The following EPB41L4A variants were observed in gnomAD, a reference collection of about 807,000 sequenced individuals.
EPB41L4A encodes the protein band 4.1-like protein 4A.
A neutral mutation model predicts 108.6 loss-of-function variants in EPB41L4A; 100 were observed. The observed-to-expected ratio is 0.92, with a 90% CI of 0.78 to 1.09. EPB41L4A has a LOEUF of 1.09. Among genes scored for constraint, EPB41L4A ranks in the 50% least tolerant of loss-of-function variants. EPB41L4A has a pLI of 0.00. For synonymous variants in EPB41L4A, 319 were observed against 289.0 expected (o/e 1.10, Z -1.05); for missense variants, 1,030 against 842.7 (o/e 1.22, Z -2.75).
chr5:112,146,028 G>C (rs1054986686), intron 12 of EPB41L4A: 1 of 455,582 alleles, frequency 2.2e-6, no homozygotes, highest in Admixed American at 2.4e-5. Flanking sequence ...GCTGTGACAA[G>C]TGTCAAACCC....
chr5:112,229,177 G>A (rs954328247), intron 12 of EPB41L4A, among the ~76,000 whole-genome samples: 11 of 152,032 alleles, frequency 7.2e-5, no homozygotes, highest in Admixed American at 4.6e-4. Flanking sequence ...CCCCCATCAC[G>A]ACTTTTTAAA....
At chr5:112,153,622 A>C (rs940088830) in intron 12 of EPB41L4A, among the ~76,000 whole-genome samples, 2 of 151,138 alleles carry the variant, frequency 1.3e-5, no homozygotes, top group African/African-American at 4.8e-5. Flanking sequence ...AAATACAAGG[A>C]GACATTAACA....
chr5:112,284,899 T>C (rs1328109483), intron 2 of EPB41L4A, among the ~76,000 whole-genome samples: 1 of 152,330 alleles, frequency 6.6e-6, no homozygotes, highest in East Asian at 1.9e-4. Flanking sequence ...CCTTGGCTGA[T>C]AACTTCTCAA....
At chr5:112,415,425 A>G (rs982632935) in intron 1 of EPB41L4A, among the ~76,000 whole-genome samples, 4 of 152,216 alleles carry the variant, frequency 2.6e-5, no homozygotes, top group Non-Finnish European at 5.9e-5. Context: ...GCACCTAAAC[A>G]TTCATCATGC....
intron 12 of EPB41L4A, among the ~76,000 whole-genome samples, chr5:112,147,131 C>G (rs1759288350): frequency 6.6e-6 from 1 of 151,566 alleles, no homozygotes; most frequent in South Asian, 2.1e-4. Context: ...TGGTGGTTTT[C>G]TACATGTAGT....
chr5:112,234,398 A>G (rs886982933), intron 12 of EPB41L4A, among the ~76,000 whole-genome samples: 5 of 151,910 alleles, frequency 3.3e-5, no homozygotes, highest in African/African-American at 1.2e-4. Context: ...AAAAAAAAAG[A>G]AAGTACAGTC....
At chr5:112,399,485 G>T (rs1394503869) in intron 1 of EPB41L4A, among the ~76,000 whole-genome samples, 1 of 152,134 alleles carries the variant, frequency 6.6e-6, no homozygotes, top group African/African-American at 2.4e-5. Flanking sequence ...CCTGGCACCT[G>T]GAAGGTTCTC....
At chr5:112,310,348 T>C (rs1266858650) in intron 1 of EPB41L4A, among the ~76,000 whole-genome samples, 1 of 152,216 alleles carries the variant, frequency 6.6e-6, no homozygotes, top group African/African-American at 2.4e-5. Context: ...GTTTTCAAAA[T>C]GCTTTTTCAA....
At chr5:112,330,156 C>G (rs1422482004) in intron 1 of EPB41L4A, among the ~76,000 whole-genome samples, 1 of 151,842 alleles carries the variant, frequency 6.6e-6, no homozygotes, top group East Asian at 2.0e-4. Context: ...GAAAGTATTT[C>G]CCCCACAATG....
Position 112,164,263 on chromosome 5 carries a change from T to C in EPB41L4A, c.*727A>G, listed in dbSNP as rs1760094017. 1 of 152,228 alleles carries C rather than the reference T, an allele frequency of 6.6e-6. No homozygotes were observed. Among genetic ancestry groups the C allele is most frequent in the South Asian group, 2.1e-4 (1 of 4,838 alleles). The allele number at this position is 152,228 out of a possible 1,614,324, so 9.4% of individuals were successfully genotyped here. On this transcript the variant is annotated 3_prime_UTR_variant, in exon 23 of 23. Transcript: ENST00000261486. ...AAAGAACTTTATATGAATAAAAATA[T>C]ATGCAGTCTGAAAGTGATGCCTCAG...
chr5:112,275,438 A>G lies in EPB41L4A; in HGVS notation c.257-34T>C, dbSNP rs763814415. ...AGAAATAGAAATTAAATTTCACTAA[A>G]ATCATAAATTAGTCAAAGTTACAGT... On this transcript the variant is annotated intron_variant, in intron 3 of 22. Coordinates refer to ENST00000261486, the MANE Select transcript of EPB41L4A (RefSeq NM_022140.5). The G allele has an allele frequency of 2.0e-6, 3 of 1,503,178 alleles. No individual in the cohort carries two copies. The South Asian group carries it at 3.7e-5, about 19-fold the overall frequency. 93.1% of individuals were successfully genotyped at this position (1,503,178 alleles called of 1,614,324 possible).
In EPB41L4A at chr5:112,276,010, A is replaced by G. The variant is rs568052901; in HGVS notation, c.257-606T>C. 3.3e-5 allele frequency among the ~76,000 whole-genome samples: 5 copies of G among 152,196 alleles called. No individual in the cohort carries two copies. In the South Asian group the frequency reaches 1.0e-3, roughly 31 times the overall value. ...ATATATTTGAGTTTTTTTTCCTGGA[A>G]GAGTACAAAAAAAATTACTAAATGG... is the stretch of plus-strand genomic sequence containing the variant. On this transcript the variant is annotated intron_variant, in intron 3 of 22. Coordinates refer to ENST00000261486, the MANE Select transcript of EPB41L4A (RefSeq NM_022140.5).
chr5:112,182,112 C>T (rs1190550521), intron 18 of EPB41L4A, among the ~76,000 whole-genome samples: 1 of 151,550 alleles, frequency 6.6e-6, no homozygotes, highest in Admixed American at 6.6e-5. Context: ...GGGGTGGGCA[C>T]TGACTAGAAG....
chr5:112,171,067 T>C, intron 18 of EPB41L4A, 75 bp from the exon 19 acceptor site: 2 of 1,315,548 alleles, frequency 1.5e-6, no homozygotes, highest in South Asian at 2.4e-5. Context: ...CTTTAATAGT[T>C]TTCAGACTGT....
chr5:112,188,149 A>T (rs372699099), intron 17 of EPB41L4A, among the ~76,000 whole-genome samples: 4 of 152,128 alleles, frequency 2.6e-5, no homozygotes, highest in Non-Finnish European at 5.9e-5. Flanking sequence ...GCAGGCCCCA[A>T]CTGATTGTGA....
chr5:112,307,529 T>C, intron 1 of EPB41L4A, 39 bp from the exon 2 acceptor site: 1 of 1,397,050 alleles, frequency 7.2e-7, no homozygotes, highest in Non-Finnish European at 1.0e-6. Context: ...TTAACTGCCC[T>C]TTTGTTCCTA....
intron 4 of EPB41L4A, among the ~76,000 whole-genome samples, chr5:112,271,555 C>G (rs1752262554): frequency 6.6e-6 from 1 of 152,198 alleles, no homozygotes; most frequent in Admixed American, 6.5e-5. Context: ...AGCAAGGATG[C>G]AGACCTCACT....
At chr5:112,192,503 G>T (rs1021321010) in intron 17 of EPB41L4A, among the ~76,000 whole-genome samples, 2 of 152,152 alleles carry the variant, frequency 1.3e-5, no homozygotes, top group Non-Finnish European at 2.9e-5. Context: ...AATGTGTTTT[G>T]AAAGCTATTT....
At chr5:112,295,626 T>G (rs961163491) in intron 2 of EPB41L4A, among the ~76,000 whole-genome samples, 1 of 152,220 alleles carries the variant, frequency 6.6e-6, no homozygotes, top group Non-Finnish European at 1.5e-5. Context: ...TAGGAAGACT[T>G]TAAAATACTG....
Sources: allele counts gnomAD v4.1 joint callset (sites outside exome capture counted in the v4.1 genomes callset), GRCh38; gene constraint gnomAD v4.1.1; transcripts MANE v1.5; gene names NCBI Gene and HGNC (gene_info 2026-07-23, HGNC 2026-07-21).